The following VWF variants were observed in gnomAD, a reference collection of about 807,000 sequenced individuals.
VWF encodes the protein von Willebrand factor.
Under a neutral mutation model 308.6 loss-of-function variants are expected in VWF, and 176 were observed. The ratio of observed to expected loss-of-function variants is 0.57; its 90% confidence interval spans 0.50 to 0.65. VWF has a LOEUF of 0.65. Among genes scored for constraint, VWF ranks in the 30% least tolerant of loss-of-function variants. The pLI, the probability that VWF is intolerant of heterozygous loss-of-function variation, is 0.00. For missense variants in VWF, 3,146 were observed against 3,648.2 expected (o/e 0.86, Z 3.55); for synonymous variants, 1,385 against 1,443.4 (o/e 0.96, Z 0.92).
chr12:6,115,076 G>A (rs79178977), intron 3 of VWF, among the ~76,000 whole-genome samples: 2,620 of 152,186 alleles, frequency 0.017, 65 homozygotes, highest in African/African-American at 0.047. Context: ...TTGCTCTATC[G>A]CTCAGGATGA....
At chr12:5,976,699 C>CA (rs1943537720) in intron 42 of VWF, among the ~76,000 whole-genome samples, 1 of 152,082 alleles carries the variant, frequency 6.6e-6, no homozygotes, top group Non-Finnish European at 1.5e-5. Flanking sequence ...GCTATGAATG[C>CA]ATGTCCCCTT....
intron 6 of VWF, among the ~76,000 whole-genome samples, chr12:6,087,421 C>T (rs372726415): frequency 1.2e-4 from 17 of 140,824 alleles, no homozygotes; most frequent in East Asian, 6.5e-4. Context: ...TGCAGTGGTG[C>T]GATCTCGGCT....
intron 5 of VWF, among the ~76,000 whole-genome samples, chr12:6,106,799 C>T (rs188864024): frequency 4.0e-4 from 56 of 141,354 alleles, no homozygotes; most frequent in Middle Eastern, 3.9e-3. Context: ...TGCTTCAGCC[C>T]GGGAGGCGGA....
intron 13 of VWF, among the ~76,000 whole-genome samples, chr12:6,062,336 T>G (rs2191161): frequency 0.66 from 100,206 of 151,798 alleles, 33,662 homozygotes; most frequent in Middle Eastern, 0.74. Context: ...TCTGGAGTGC[T>G]GCACCATCCC....
Position 5,949,037 on chromosome 12 carries a change from G to A in VWF, c.8420C>T (p.Ser2807Phe). 1 of 1,613,696 alleles carries A rather than the reference G, an allele frequency of 6.2e-7. No individual in the cohort carries two copies. Among genetic ancestry groups the A allele is most frequent in the Non-Finnish European group, 8.5e-7 (1 of 1,179,848 alleles). Residue 2807 changes from serine (S) to phenylalanine (F), a missense_variant, in exon 52 of 52, where the codon TCC (serine) becomes TTC (phenylalanine). Physicochemically the swap from Ser to Phe is radical, Grantham distance 155 (BLOSUM62 -2). Transcript: ENST00000261405. ...GCCTCACTTGCTGCACTTCCTGGGG[G>A]AGCATTTGCACTCCATGGCATTGAG... Reference protein sequence around the residue: ...EVLNAMECKCSPRKCSK With the variant: ...EVLNAMECKCFPRKCSK
chr12:6,042,731 A>G (rs747420504), intron 18 of VWF, among the ~76,000 whole-genome samples: 1 of 152,310 alleles, frequency 6.6e-6, no homozygotes, highest in South Asian at 2.1e-4. Context: ...CCTGTATTTG[A>G]GGTCCCGCTG....
intron 14 of VWF, 36 bp from the exon 15 acceptor site, chr12:6,057,108 G>GGGA (rs1166486342): frequency 9.3e-6 from 14 of 1,505,064 alleles, no homozygotes; most frequent in Non-Finnish European, 9.8e-6. Flanking sequence ...GGATGTGGTG[G>GGGA]GGAGGAGTGG....
intron 41 of VWF, among the ~76,000 whole-genome samples, chr12:5,982,243 C>G (rs1009984006): frequency 1.3e-5 from 2 of 152,170 alleles, no homozygotes; most frequent in African/African-American, 2.4e-5. Context: ...GCTGCTCAAT[C>G]CCTGCTCTAT....
At chr12:5,964,276 ATACATACATG>A (rs1471059272) in intron 47 of VWF, among the ~76,000 whole-genome samples, 12 of 141,986 alleles carry the variant, frequency 8.5e-5, no homozygotes, top group African/African-American at 3.8e-4. Flanking sequence ...ACATACATGC[ATACATACATG>A]CATACATACA....
chr12:6,023,862 T>C (rs1443274516), intron 24 of VWF, 75 bp from the exon 25 acceptor site: 2 of 1,549,852 alleles, frequency 1.3e-6, no homozygotes, highest in African/African-American at 2.7e-5. Flanking sequence ...TGGGTGCAAA[T>C]GTTCTGATGG....
Position 6,044,406 on chromosome 12 carries a change from C to A in VWF, c.2327G>T (p.Cys776Phe). The A allele has an allele frequency of 6.2e-7, 1 of 1,614,216 alleles. No homozygotes were observed. The highest frequency in any genetic ancestry group is 8.5e-7 in the Non-Finnish European group (1 of 1,180,046). ...SCRPPMVKLV[C>F]PADNLRAEGL... Reference sequence around the variant, plus strand: ...TTCAGCCCGCAGGTTGTCAGCGGGACACACCAGCTTGACCATGGGGGGCCG... The same window carrying A: ...TTCAGCCCGCAGGTTGTCAGCGGGAAACACCAGCTTGACCATGGGGGGCCG... The change falls in exon 18 of 52, where the codon TGT becomes TTT. Residue 776 changes from cysteine to phenylalanine, a missense_variant. Coordinates refer to ENST00000261405, the MANE Select transcript of VWF (RefSeq NM_000552.5).
intron 34 of VWF, among the ~76,000 whole-genome samples, chr12:5,999,571 C>G (rs1027803073): frequency 2.0e-5 from 3 of 151,430 alleles, no homozygotes; most frequent in Non-Finnish European, 4.4e-5. Context: ...TTGTAAAACC[C>G]AAAATTCACA....
rs768503443 is a variant in VWF, at chr12:6,057,855, G to T, written c.1723C>A (p.Arg575Ser). The change falls in exon 14 of 52, where the codon CGC becomes AGC. Residue 575 changes from arginine (R) to serine (S), a missense_variant. By Grantham distance (110) the Arg-to-Ser change is moderately radical. Around this residue, in one of 3 missense-constraint regions of VWF, gnomAD observed 1,304 missense variants for 1,353.0 expected, o/e 0.96. Transcript: ENST00000261405. ...QHSDPCALNP[R>S]MTRFSEEACA... ...TGCCCCCGGGTTCACATACTCATGC[G>T]CGGGTTGAGGGCGCAGGGATCGCTG... 1.9e-6 allele frequency: 3 copies of T among 1,607,198 alleles called. No homozygotes were observed. Among genetic ancestry groups the T allele is most frequent in the Non-Finnish European group, 1.7e-6 (2 of 1,176,624 alleles).
intron 18 of VWF, among the ~76,000 whole-genome samples, chr12:6,038,297 T>C (rs1360440154): frequency 6.6e-6 from 1 of 152,204 alleles, no homozygotes; most frequent in Non-Finnish European, 1.5e-5. Context: ...ATCCCACGGA[T>C]GCCTTACAGT....
At chr12:6,092,632 T>TGAGAGAGAGAGAGA (rs1430723950) in intron 6 of VWF, among the ~76,000 whole-genome samples, 13 of 66,074 alleles carry the variant, frequency 2.0e-4, no homozygotes, top group African/African-American at 9.7e-4. Flanking sequence ...TGTGTGTGTG[T>TGAGAGAGAGAGAGA]GTGTGTGTGT....
chr12:6,053,308 C>T (rs1944540133), intron 15 of VWF, among the ~76,000 whole-genome samples: 1 of 152,228 alleles, frequency 6.6e-6, no homozygotes, highest in Non-Finnish European at 1.5e-5. Flanking sequence ...CGAGTTAGCT[C>T]TCATCACCCC....
At chr12:6,100,328 G>A (rs1051939394) in intron 5 of VWF, among the ~76,000 whole-genome samples, 3 of 148,182 alleles carry the variant, frequency 2.0e-5, no homozygotes. Flanking sequence ...GTGGAAGTCA[G>A]TGTGGTGATT....
chr12:5,950,316 C>T (rs1028775035), intron 50 of VWF, among the ~76,000 whole-genome samples: 7 of 152,026 alleles, frequency 4.6e-5, no homozygotes, highest in East Asian at 1.9e-4. Flanking sequence ...AGAGGAAAGG[C>T]GAAGTCATGG....
At chr12:5,952,238 G>T (rs948501549) in intron 49 of VWF, 153 bp downstream of exon 49, 1 of 1,122,846 alleles carries the variant, frequency 8.9e-7, no homozygotes, top group Non-Finnish European at 1.3e-6. Context: ...CTCTCCGTAG[G>T]CTTTGATTTC....
Sources: gnomAD v4.1 joint callset for allele counts (sites outside exome capture counted in the v4.1 genomes callset) on GRCh38, gnomAD v4.1.1 for gene constraint, gnomAD v4.1.1 regional missense constraint, MANE v1.5 for transcripts, NCBI Gene and HGNC (gene_info 2026-07-23, HGNC 2026-07-21) for gene names.